Variants in ERG observed in about 807,000 individuals in gnomAD.
ERG encodes the protein ETS transcription factor ERG.
A neutral mutation model predicts 55.3 loss-of-function variants in ERG; 9 were observed. That is an observed-to-expected ratio of 0.16 (90% confidence interval 0.10 to 0.28). ERG has a LOEUF of 0.28. ERG is among the 10% of genes least tolerant of loss of function. The probability of loss-of-function intolerance (pLI) is 1.00; values close to 1 mark genes in which losing one functional copy is unlikely to be tolerated. For missense variants in ERG, 434 were observed against 631.6 expected (o/e 0.69, Z 3.35); for synonymous variants, 223 against 237.3 (o/e 0.94, Z 0.55).
At chr21:38,656,528 G>A (rs1045012390) in intron 1 of ERG, among the ~76,000 whole-genome samples, 1 of 152,120 alleles carries the variant, frequency 6.6e-6, no homozygotes, top group Non-Finnish European at 1.5e-5. Context: ...CCTGCCAGGC[G>A]TGCAGAAAAA....
intron 3 of ERG, 47 bp downstream of exon 3, chr21:38,423,363 G>T: frequency 6.3e-7 from 1 of 1,576,808 alleles, no homozygotes; most frequent in South Asian, 1.2e-5. Context: ...GCCTAGCCTT[G>T]GGGAAGTTGC....
At chr21:38,602,868 G>C (rs1292159416) in intron 1 of ERG, among the ~76,000 whole-genome samples, 1 of 151,878 alleles carries the variant, frequency 6.6e-6, no homozygotes, top group Non-Finnish European at 1.5e-5. Flanking sequence ...AGAAAAAAAC[G>C]ACGATTCCAG....
chr21:38,598,962 A>T lies in ERG; in HGVS notation c.-149-14017T>A, dbSNP rs1326622709. Reference sequence around the variant, plus strand: ...TCTCCACCCCAGGGAAAGAAAGGAAAGGGGGACATAGGCAGGGAAATTTCA... The same window carrying T: ...TCTCCACCCCAGGGAAAGAAAGGAATGGGGGACATAGGCAGGGAAATTTCA... On this transcript the variant is annotated intron_variant, in intron 1 of 10. Transcript: ENST00000398910. Among the ~76,000 whole-genome samples, 10 of 152,304 alleles carry T rather than the reference A, an allele frequency of 6.6e-5. No homozygotes were observed. In the East Asian group the frequency reaches 1.7e-3, roughly 26 times the overall value.
intron 1 of ERG, among the ~76,000 whole-genome samples, chr21:38,591,074 A>G (rs1306311761): frequency 6.6e-6 from 1 of 152,226 alleles, no homozygotes; most frequent in African/African-American, 2.4e-5. Flanking sequence ...GAAAAGGAAA[A>G]CAGCCAAGAA....
intron 9 of ERG, among the ~76,000 whole-genome samples, chr21:38,388,865 G>A (rs1446264182): frequency 2.0e-5 from 3 of 152,200 alleles, no homozygotes; most frequent in Admixed American, 1.3e-4. Flanking sequence ...GGCATATGCA[G>A]TGTTCCCTTG....
intron 1 of ERG, among the ~76,000 whole-genome samples, chr21:38,592,291 G>A (rs1301630069): frequency 6.6e-6 from 1 of 152,252 alleles, no homozygotes; most frequent in Non-Finnish European, 1.5e-5. Context: ...GGAGGAGCCA[G>A]CTCTAGCACA....
intron 3 of ERG, among the ~76,000 whole-genome samples, chr21:38,409,234 A>G (rs1003786233): frequency 6.6e-6 from 1 of 152,108 alleles, no homozygotes; most frequent in Non-Finnish European, 1.5e-5. Flanking sequence ...CTGTAATCCC[A>G]GCACTTTGGG....
At chr21:38,601,138 A>G (rs1353181337) in intron 1 of ERG, among the ~76,000 whole-genome samples, 1 of 152,214 alleles carries the variant, frequency 6.6e-6, no homozygotes, top group Admixed American at 6.5e-5. Flanking sequence ...CAGGATTGAC[A>G]GGATGGAACG....
At position 38,380,801 on chromosome 21, in the gene ERG, A is replaced by G; in HGVS notation, c.*2602T>C. 1.7e-6 allele frequency: 1 copy of G among 579,830 alleles called. No homozygotes were observed. The highest frequency in any genetic ancestry group is 2.0e-6 in the Non-Finnish European group (1 of 501,084). The allele number at this position is 579,830 out of a possible 1,614,324, so 35.9% of individuals were successfully genotyped here. On this transcript the variant is annotated 3_prime_UTR_variant, in exon 10 of 10. Transcript: ENST00000288319. ...AATGGAAAACATCTGTTAAAATTGAATATGATAATCATGTCTTGTTTTTAT... is the reference window on the plus strand; with the variant it reads ...AATGGAAAACATCTGTTAAAATTGAGTATGATAATCATGTCTTGTTTTTAT...
chr21:38,423,996 G>T (rs1368926620), intron 2 of ERG, among the ~76,000 whole-genome samples: 1 of 151,824 alleles, frequency 6.6e-6, no homozygotes, highest in African/African-American at 2.4e-5. Flanking sequence ...GAAAAGAAAA[G>T]AAAAGAAATG....
chr21:38,426,823 G>A (rs1022297247), intron 2 of ERG, among the ~76,000 whole-genome samples: 1 of 151,866 alleles, frequency 6.6e-6, no homozygotes, highest in Non-Finnish European at 1.5e-5. Context: ...CCAGCTACTC[G>A]GGAGGCTGAG....
At chr21:38,481,886 C>T (rs1235871708) in intron 1 of ERG, among the ~76,000 whole-genome samples, 2 of 152,198 alleles carry the variant, frequency 1.3e-5, no homozygotes, top group African/African-American at 4.8e-5. Flanking sequence ...TACAACTTGT[C>T]ACTAGTTCAT....
chr21:38,632,617 C>T (rs1359536094), intron 1 of ERG, among the ~76,000 whole-genome samples: 1 of 152,234 alleles, frequency 6.6e-6, no homozygotes, highest in African/African-American at 2.4e-5. Flanking sequence ...CACATGCTCT[C>T]TCTCTCTCGC....
chr21:38,482,655 G>A (rs1391654071), intron 1 of ERG, among the ~76,000 whole-genome samples: 2 of 151,806 alleles, frequency 1.3e-5, no homozygotes, highest in Non-Finnish European at 2.9e-5. Context: ...AAATTGTGGT[G>A]GATATATACA....
chr21:38,483,696 C>A (rs1211612415), intron 1 of ERG, among the ~76,000 whole-genome samples: 1 of 151,568 alleles, frequency 6.6e-6, no homozygotes, highest in African/African-American at 2.4e-5. Context: ...AAAATACAAA[C>A]AAACAAACAA....
At chr21:38,502,588 TATC>T (rs2146701883), upstream of ERG, 1 of 152,934 alleles carries the variant, frequency 6.5e-6, no homozygotes, top group East Asian at 1.9e-4. Flanking sequence ...AAGGAAATAG[TATC>T]ATCATATTAG....
chr21:38,608,787 CAGA>C (rs2146924770), intron 1 of ERG, among the ~76,000 whole-genome samples: 1 of 152,292 alleles, frequency 6.6e-6, no homozygotes, highest in Non-Finnish European at 1.5e-5. Context: ...AACAATGGAA[CAGA>C]CCTCACCCTC....
chr21:38,540,376 C>T (rs1444143484), intron 2 of ERG, among the ~76,000 whole-genome samples: 1 of 152,180 alleles, frequency 6.6e-6, no homozygotes, highest in East Asian at 1.9e-4. Context: ...GCTCAGAAGG[C>T]AGTCACTCCA....
intron 1 of ERG, among the ~76,000 whole-genome samples, chr21:38,491,965 G>GTT (rs2059340092): frequency 1.2e-5 from 1 of 83,086 alleles, no homozygotes; most frequent in Admixed American, 1.4e-4. Flanking sequence ...AAGAATTGCT[G>GTT]CCTATGGGAT....
Sources: allele counts gnomAD v4.1 joint callset (sites outside exome capture counted in the v4.1 genomes callset), GRCh38; gene constraint gnomAD v4.1.1; transcripts MANE v1.5; gene names NCBI Gene and HGNC (gene_info 2026-07-23, HGNC 2026-07-21).